Variants in VPS26A observed in about 807,000 individuals in gnomAD.
The protein encoded by VPS26A is VPS26 retromer complex component A, also known as vacuolar protein sorting-associated protein 26A.
In VPS26A, 22 loss-of-function variants were observed where a neutral mutation model predicts 42.4. The observed-to-expected ratio is 0.52, with a 90% CI of 0.37 to 0.74. The LOEUF (loss-of-function observed/expected upper bound fraction) is 0.74. Ranked by LOEUF, VPS26A falls within the 30% of genes least tolerant of loss-of-function variation. VPS26A has a pLI of 0.00. For missense variants in VPS26A, 276 were observed against 379.2 expected, an observed-to-expected ratio of 0.73 and a Z score of 2.26; for synonymous variants, 110 against 123.5, an observed-to-expected ratio of 0.89 and a Z score of 0.73.
In VPS26A at chr10:69,172,552, A is replaced by G. The variant is rs1841840196; in HGVS notation, c.*1283A>G. ...GAGTAAGCTAAATAACCCAAATTAC[A>G]TTTCTTTAAACCTGTTTTACTACTA... is the stretch of plus-strand genomic sequence containing the variant. On this transcript the variant is annotated 3_prime_UTR_variant, in exon 9 of 9. Transcript: ENST00000263559. 6.6e-6 allele frequency: 1 copy of G among 152,626 alleles called. No homozygotes were observed. The highest frequency in any genetic ancestry group is 2.1e-4 in the South Asian group (1 of 4,834). The allele number at this position is 152,626 out of a possible 1,614,324, so 9.5% of individuals were successfully genotyped here. A position where few individuals can be genotyped will look rare whatever the true frequency, so the allele number is the denominator to read the frequency against.
chr10:69,146,173 C>T (rs544541002), intron 2 of VPS26A, among the ~76,000 whole-genome samples: 2 of 152,280 alleles, frequency 1.3e-5, no homozygotes, highest in East Asian at 1.9e-4. Context: ...GGGCTCACTG[C>T]AACCTCTGCC....
chr10:69,142,388 CTTG>C (rs1841065446), intron 2 of VPS26A, among the ~76,000 whole-genome samples: 1 of 150,488 alleles, frequency 6.6e-6, no homozygotes, highest in Non-Finnish European at 1.5e-5. Flanking sequence ...TAGATAGGGT[CTTG>C]TTGTGTTGCC....
At chr10:69,128,987 ACT>A (rs1385948947) in intron 1 of VPS26A, among the ~76,000 whole-genome samples, 3 of 98,342 alleles carry the variant, frequency 3.1e-5, no homozygotes, top group African/African-American at 1.2e-4. Flanking sequence ...ACAGAGTGAG[ACT>A]CTGTCTCAAA....
chr10:69,157,236 G>T, intron 4 of VPS26A, 73 bp downstream of exon 4: 1 of 1,467,540 alleles, frequency 6.8e-7, no homozygotes, highest in South Asian at 1.5e-5. Flanking sequence ...TATCTTATTT[G>T]AACCTCTAAT....
chr10:69,173,943 G>A lies in VPS26A; in HGVS notation c.*2674G>A, dbSNP rs918043305. Among the ~76,000 whole-genome samples, 8 of 151,180 alleles carry A rather than the reference G, an allele frequency of 5.3e-5. No individual in the cohort carries two copies. Among genetic ancestry groups the A allele is most frequent in the African/African-American group, 2.0e-4 (8 of 40,646 alleles). Reference sequence around the variant, plus strand: ...CGGGAGGCAGAGGTTGCAGTGAGCCGAGATCACACCAATGCACTCCAGCCT... The same window carrying A: ...CGGGAGGCAGAGGTTGCAGTGAGCCAAGATCACACCAATGCACTCCAGCCT... On this transcript the variant is annotated 3_prime_UTR_variant, in exon 9 of 9. Coordinates refer to ENST00000263559, the MANE Select transcript of VPS26A (RefSeq NM_004896.5).
At chr10:69,135,695 A>G (rs1419523967) in intron 2 of VPS26A, among the ~76,000 whole-genome samples, 1 of 152,174 alleles carries the variant, frequency 6.6e-6, no homozygotes, top group Non-Finnish European at 1.5e-5. Flanking sequence ...ATAGGTAAGT[A>G]TTTTCAGTTC....
chr10:69,169,628 A>G (rs1335798278), intron 8 of VPS26A, among the ~76,000 whole-genome samples: 3 of 144,180 alleles, frequency 2.1e-5, no homozygotes, highest in Non-Finnish European at 4.5e-5. Flanking sequence ...TTTTTTTTTG[A>G]GACAGAGTCT....
At chr10:69,124,512 G>A (rs1840606673) in intron 1 of VPS26A, among the ~76,000 whole-genome samples, 1 of 152,220 alleles carries the variant, frequency 6.6e-6, no homozygotes, top group African/African-American at 2.4e-5. Flanking sequence ...TCCTGGCCAT[G>A]TCGGAGCCTC....
intron 2 of VPS26A, among the ~76,000 whole-genome samples, chr10:69,137,011 C>T (rs952543680): frequency 6.6e-6 from 1 of 151,876 alleles, no homozygotes. Context: ...AGGCTGGTCT[C>T]GAACTCCTAA....
At chr10:69,159,388 AAAAC>A (rs1841502425) in intron 5 of VPS26A, among the ~76,000 whole-genome samples, 2 of 152,028 alleles carry the variant, frequency 1.3e-5, no homozygotes, top group Admixed American at 1.3e-4. Flanking sequence ...CTCAAAAAAA[AAAAC>A]AAAAAAAAAA....
At chr10:69,160,608 C>T (rs1351147427) in intron 5 of VPS26A, among the ~76,000 whole-genome samples, 3 of 151,330 alleles carry the variant, frequency 2.0e-5, no homozygotes, top group Non-Finnish European at 4.4e-5. Context: ...TGTGCCACCA[C>T]GCCCGGCTAA....
Position 69,132,938 on chromosome 10 carries a change from A to G in VPS26A, c.44A>G (p.Asp15Gly), listed in dbSNP as rs764160350. Residue 15 changes from aspartate to glycine, a missense_variant, in exon 2 of 9, where the codon GAT becomes GGT. Transcript: ENST00000263559. The stretch of plus-strand genomic sequence containing the variant: ...TTTTTTGGTCCAATTTGTGAGATCG[A>G]TATTGTTCTTAATGATGGGGAAACC... The part of the protein sequence containing the change: ...GGFFGPICEI[D>G]IVLNDGETRK... 4 of 1,606,822 alleles carry G rather than the reference A, an allele frequency of 2.5e-6. No homozygotes were observed. Among genetic ancestry groups the G allele is most frequent in the East Asian group, 2.2e-5 (1 of 44,600 alleles).
chr10:69,165,961 T>C (rs772343206), intron 6 of VPS26A, 81 bp from the exon 7 acceptor site: 5 of 1,346,962 alleles, frequency 3.7e-6, no homozygotes, highest in Non-Finnish European at 5.2e-6. Context: ...AAAAATAATG[T>C]AGTGGAAAAA....
In VPS26A at chr10:69,133,649, G is replaced by A. The variant is rs778281829; in HGVS notation, c.153+602G>A. On this transcript the variant is annotated intron_variant, in intron 2 of 8. Coordinates refer to ENST00000263559, the MANE Select transcript of VPS26A (RefSeq NM_004896.5). ...CTTTTCTTTATCCGGTAATGTATAC[G>A]GTTTTTTGTTTTGGGTTTTTTGGGT... The A allele has an allele frequency of 2.3e-5, 29 of 1,258,548 alleles. No homozygotes were observed. The East Asian group carries it at 1.5e-3, about 66-fold the overall frequency. The allele number at this position is 1,258,548 out of a possible 1,614,324, so 78.0% of individuals were successfully genotyped here. A position where few individuals can be genotyped will look rare whatever the true frequency, so the allele number is the denominator to read the frequency against.
intron 2 of VPS26A, among the ~76,000 whole-genome samples, chr10:69,154,296 G>A (rs1841382178): frequency 6.6e-6 from 1 of 152,198 alleles, no homozygotes; most frequent in Non-Finnish European, 1.5e-5. Flanking sequence ...CAGCACTTTG[G>A]GAGGCCGAGG....
intron 2 of VPS26A, among the ~76,000 whole-genome samples, chr10:69,137,720 C>T (rs1840945500): frequency 6.6e-6 from 1 of 152,130 alleles, no homozygotes; most frequent in African/African-American, 2.4e-5. Context: ...GACTCACCCA[C>T]ACTCAAGAGG....
chr10:69,161,698 G>A, intron 5 of VPS26A: 1 of 386,828 alleles, frequency 2.6e-6, no homozygotes, highest in South Asian at 2.2e-5. Flanking sequence ...CCGGGGTTCA[G>A]CACAAAGGGC....
intron 2 of VPS26A, among the ~76,000 whole-genome samples, chr10:69,148,695 C>G (rs554796951): frequency 6.6e-6 from 1 of 151,468 alleles, no homozygotes. Context: ...TTCGAGACAT[C>G]TCTAGAATAT....
In VPS26A at chr10:69,168,612, G is replaced by A. The variant is rs1841745756; in HGVS notation, c.851G>A (p.Arg284Gln). The change falls in exon 8 of 9, where the codon CGG (arginine) becomes CAG (glutamine). Residue 284 changes from arginine (R) to glutamine (Q), a missense_variant. Coordinates refer to ENST00000263559, the MANE Select transcript of VPS26A (RefSeq NM_004896.5). ...LNLVLVDEEDRRYFKQQEIIL... is the reference protein window; with the variant it reads ...LNLVLVDEEDQRYFKQQEIIL... Reference sequence around the variant, plus strand: ...TTAGTGCTTGTTGATGAGGAAGACCGGAGGTACTTCAAACAGCAGGTATGG... The same window carrying A: ...TTAGTGCTTGTTGATGAGGAAGACCAGAGGTACTTCAAACAGCAGGTATGG... 5 of 1,613,722 alleles carry A rather than the reference G, an allele frequency of 3.1e-6. No homozygotes were observed. Among genetic ancestry groups the A allele is most frequent in the Non-Finnish European group, 4.2e-6 (5 of 1,179,834 alleles).
Sources: allele counts gnomAD v4.1 joint callset (sites outside exome capture counted in the v4.1 genomes callset), GRCh38; gene constraint gnomAD v4.1.1; transcripts MANE v1.5; gene names NCBI Gene and HGNC (gene_info 2026-07-23, HGNC 2026-07-21).